Variants in RAB6A observed in about 807,000 individuals in gnomAD.
The protein encoded by RAB6A is RAB6A, member RAS oncogene family.
RAB6A carries 8 observed loss-of-function variants against 32.3 expected under a neutral mutation model. The observed-to-expected ratio is 0.25, with a 90% confidence interval of 0.15 to 0.45. The LOEUF (loss-of-function observed/expected upper bound fraction) is 0.45. RAB6A is among the 20% of genes least tolerant of loss of function. RAB6A has a pLI of 1.00. For synonymous variants in RAB6A, 73 were observed against 82.1 expected, an observed-to-expected ratio of 0.89 and a Z score of 0.60; for missense variants, 104 against 249.4, an observed-to-expected ratio of 0.42 and a Z score of 3.93.
chr11:73,685,278 T>C (rs1945425697), intron 6 of RAB6A, among the ~76,000 whole-genome samples: 1 of 147,792 alleles, frequency 6.8e-6, no homozygotes. Flanking sequence ...ACCTGCTATA[T>C]AGAAAGTCTT....
At chr11:73,702,159 T>TCCCCCC (rs1343200507) in intron 6 of RAB6A, among the ~76,000 whole-genome samples, 5 of 152,136 alleles carry the variant, frequency 3.3e-5, no homozygotes. Context: ...AGTAAGGATA[T>TCCCCCC]ATAAGGTGTT....
At chr11:73,751,144 C>T (rs1022787833) in intron 1 of RAB6A, among the ~76,000 whole-genome samples, 4 of 152,072 alleles carry the variant, frequency 2.6e-5, no homozygotes, top group African/African-American at 7.2e-5. Context: ...GTCAGGCTCA[C>T]TGGCCTGACT....
At chr11:73,756,539 C>G (rs1011827932) in intron 1 of RAB6A, among the ~76,000 whole-genome samples, 1 of 152,174 alleles carries the variant, frequency 6.6e-6, no homozygotes, top group African/African-American at 2.4e-5. Flanking sequence ...TAATTGGTAA[C>G]ATGTATATAT....
chr11:73,716,090 AT>A, intron 5 of RAB6A, among the ~76,000 whole-genome samples, 160 bp downstream of exon 5: 1 of 152,228 alleles, frequency 6.6e-6, no homozygotes, highest in East Asian at 1.9e-4. Flanking sequence ...GCTGTTTAAT[AT>A]TTACATTTAT....
chr11:73,725,970 TG>T (rs1460432165), intron 2 of RAB6A, among the ~76,000 whole-genome samples: 1 of 151,712 alleles, frequency 6.6e-6, no homozygotes, highest in Non-Finnish European at 1.5e-5. Context: ...CTGGGCAACA[TG>T]GCAAGAACCT....
At chr11:73,708,155 C>A (rs1945879935) in intron 5 of RAB6A, among the ~76,000 whole-genome samples, 2 of 152,042 alleles carry the variant, frequency 1.3e-5, no homozygotes, top group Non-Finnish European at 2.9e-5. Context: ...CAAATCATTT[C>A]CTTAGGTTAG....
At chr11:73,714,207 A>ATATATAT (rs56359106) in intron 5 of RAB6A, among the ~76,000 whole-genome samples, 142 of 71,634 alleles carry the variant, frequency 2.0e-3, no homozygotes, top group South Asian at 6.1e-3. Flanking sequence ...AAAAAAAAAA[A>ATATATAT]AAATATATAT....
intron 6 of RAB6A, among the ~76,000 whole-genome samples, chr11:73,689,942 T>G (rs1396270781): frequency 6.7e-6 from 1 of 149,142 alleles, no homozygotes; most frequent in Non-Finnish European, 1.5e-5. Context: ...TGATCACTCA[T>G]ATTTGGCTCA....
chr11:73,753,911 C>T (rs1302295613), intron 1 of RAB6A, among the ~76,000 whole-genome samples: 1 of 152,134 alleles, frequency 6.6e-6, no homozygotes, highest in Non-Finnish European at 1.5e-5. Context: ...TAAAAGTAAG[C>T]ACTACCAAAC....
At chr11:73,711,994 T>C (rs540885920) in intron 5 of RAB6A, among the ~76,000 whole-genome samples, 4 of 152,204 alleles carry the variant, frequency 2.6e-5, no homozygotes, top group Non-Finnish European at 4.4e-5. Flanking sequence ...TTTTAGAGGC[T>C]TTTTTATTTG....
intron 6 of RAB6A, among the ~76,000 whole-genome samples, chr11:73,691,493 T>G (rs1279687505): frequency 2.0e-5 from 3 of 152,242 alleles, no homozygotes; most frequent in Non-Finnish European, 4.4e-5. Flanking sequence ...TCAGAGTTAT[T>G]TACTGCACTG....
At chr11:73,739,855 GACC>G (rs1399846806) in intron 1 of RAB6A, among the ~76,000 whole-genome samples, 2 of 151,912 alleles carry the variant, frequency 1.3e-5, no homozygotes, top group East Asian at 1.9e-4. Flanking sequence ...AGGAGATGGA[GACC>G]ACCACCCTGG....
Position 73,727,403 on chromosome 11 carries a change from G to T in RAB6A, c.129+3362C>A, listed in dbSNP as rs746920089. On this transcript the variant is annotated intron_variant, in intron 2 of 7. Coordinates refer to ENST00000336083, the MANE Select transcript of RAB6A (RefSeq NM_198896.2). ...ATCATGCCACTGCACTCCAGCCTGG[G>T]CGACAAAGCAATACTCTATCTCTTG... Among the ~76,000 whole-genome samples the T allele has an allele frequency of 6.0e-5, 9 of 150,656 alleles. No homozygotes were observed. In the South Asian group the frequency reaches 1.9e-3, roughly 32 times the overall value.
rs1200678537 is a variant in RAB6A at position 73,734,667 on chromosome 11, T to G, written c.71-3844A>C. 2.0e-5 allele frequency among the ~76,000 whole-genome samples: 3 copies of G among 152,166 alleles called. No individual in the cohort carries two copies. The East Asian group carries it at 5.8e-4, about 29-fold the overall frequency. ...TAGATCCCTCACATGCACAGTTCAC[T>G]ATAGGGTTCTCGCTCCTATGAGAAT... is the stretch of plus-strand genomic sequence containing the variant. On this transcript the variant is annotated intron_variant, in intron 1 of 7. Coordinates refer to ENST00000336083, the MANE Select transcript of RAB6A (RefSeq NM_198896.2).
intron 6 of RAB6A, among the ~76,000 whole-genome samples, chr11:73,683,001 A>G (rs1945384029): frequency 6.6e-6 from 1 of 152,186 alleles, no homozygotes; most frequent in African/African-American, 2.4e-5. Context: ...ATCAAGACAT[A>G]AAGAATACAG....
At chr11:73,737,933 T>C (rs567971586) in intron 1 of RAB6A, among the ~76,000 whole-genome samples, 4 of 144,200 alleles carry the variant, frequency 2.8e-5, no homozygotes, top group African/African-American at 1.0e-4. Flanking sequence ...GAGGCGGAGG[T>C]TGCAGTGAGC....
intron 1 of RAB6A, among the ~76,000 whole-genome samples, chr11:73,756,204 A>C (rs1182943062): frequency 6.6e-6 from 1 of 151,980 alleles, no homozygotes. Context: ...AAATACAAAA[A>C]TTAGCCAGGC....
At chr11:73,736,825 A>AAG (rs1555066486) in intron 1 of RAB6A, among the ~76,000 whole-genome samples, 2 of 105,442 alleles carry the variant, frequency 1.9e-5, no homozygotes, top group Non-Finnish European at 4.0e-5. Context: ...AAAAAAAAAA[A>AAG]ACAATTAGCC....
Position 73,731,747 on chromosome 11 carries a change from T to C in RAB6A, c.71-924A>G, listed in dbSNP as rs111665481. 3.7e-3 allele frequency among the ~76,000 whole-genome samples: 339 copies of C among 92,300 alleles called. 6 individuals carry two copies. Among genetic ancestry groups the C allele is most frequent in the African/African-American group, 6.6e-3 (155 of 23,582 alleles). The allele number at this position is 92,300 out of a possible 152,430, so 60.6% of individuals were successfully genotyped here. On this transcript the variant is annotated intron_variant, in intron 1 of 7. Transcript: ENST00000336083. The stretch of plus-strand genomic sequence containing the variant: ...ATATATATATACACACACACACACA[T>C]ATTTTCTTTTTTTTTTAGACAGTCT...
Sources: gnomAD v4.1 joint callset for allele counts (sites outside exome capture counted in the v4.1 genomes callset) on GRCh38, gnomAD v4.1.1 for gene constraint, MANE v1.5 for transcripts, NCBI Gene and HGNC (gene_info 2026-07-23, HGNC 2026-07-21) for gene names.